Variants in CACNG1 observed in about 807,000 individuals in gnomAD.
The protein encoded by CACNG1 is calcium voltage-gated channel auxiliary subunit gamma 1, also known as voltage-dependent calcium channel gamma-1 subunit.
In CACNG1, 21 loss-of-function variants were observed where a neutral mutation model predicts 22.0. That is an observed-to-expected ratio of 0.95 (90% CI 0.68 to 1.37). CACNG1 has a LOEUF of 1.37. CACNG1 is among the 40% of genes most tolerant of loss of function. The pLI is 0.00. For missense variants in CACNG1, 291 were observed against 308.6 expected, an observed-to-expected ratio of 0.94 and a Z score of 0.43; for synonymous variants, 127 against 129.2, an observed-to-expected ratio of 0.98 and a Z score of 0.12.
chr17:67,055,133 T>C lies in CACNG1; in HGVS notation c.335T>C (p.Ile112Thr). 6.2e-7 allele frequency: 1 copy of C among 1,614,198 alleles called. No homozygotes were observed. ...EYSISAAAIA[I>T]FSLGFIILGS... ...AGCATCTCGGCAGCCGCCATCGCCA[T>C]CTTCAGCCTTGGCTTCATCATCCTG... The change falls in exon 3 of 4, where the codon ATC becomes ACC. Residue 112 changes from isoleucine (I) to threonine (T), a missense_variant. Physicochemically the swap from Ile to Thr is moderately conservative, Grantham distance 89. Transcript: ENST00000226021. The surrounding 1 kb of genome is among the most constrained non-coding windows in gnomAD (Gnocchi z 4.5).
intron 1 of CACNG1, among the ~76,000 whole-genome samples, chr17:67,045,715 G>A (rs1337614130): frequency 2.0e-5 from 3 of 151,894 alleles, no homozygotes; most frequent in Admixed American, 6.6e-5. Context: ...TAGAGACGGG[G>A]TTTCACCATG....
intron 1 of CACNG1, among the ~76,000 whole-genome samples, chr17:67,050,359 T>C (rs1266026266): frequency 6.6e-6 from 1 of 152,246 alleles, no homozygotes; most frequent in African/African-American, 2.4e-5. Context: ...TCTTGGAGAT[T>C]TCCAGCCCAT....
Position 67,056,549 on chromosome 17 carries a change from C to T in CACNG1, c.*278C>T. ...TGCAGGGGCCCAACTTCCCCTGGAG[C>T]TCAGAGGTGTCCCCACTGTACCAGC... is the stretch of plus-strand genomic sequence containing the variant. On this transcript the variant is annotated 3_prime_UTR_variant, in exon 4 of 4. Transcript: ENST00000226021. The surrounding 1 kb of genome is among the most constrained non-coding windows in gnomAD (Gnocchi z 4.3). 1.9e-6 allele frequency: 1 copy of T among 513,664 alleles called. No individual in the cohort carries two copies. Among genetic ancestry groups the T allele is most frequent in the Admixed American group, 3.3e-5 (1 of 29,954 alleles). The allele number at this position is 513,664 out of a possible 1,614,324, so 31.8% of individuals were successfully genotyped here. A position where few individuals can be genotyped will look rare whatever the true frequency, so the allele number is the denominator to read the frequency against.
At chr17:67,047,038 C>T (rs1487769429) in intron 1 of CACNG1, among the ~76,000 whole-genome samples, 1 of 152,154 alleles carries the variant, frequency 6.6e-6, no homozygotes, top group Non-Finnish European at 1.5e-5. Flanking sequence ...TTTCTCCTTC[C>T]CCATCTGCCC....
chr17:67,044,627 C>A lies in CACNG1; in HGVS notation c.-34C>A. ...TGCCCTAGGAGACGCAGCCGCCGGA[C>A]CCTGCCCAGGGCACCCACGCCTCGG... On this transcript the variant is annotated 5_prime_UTR_variant, in exon 1 of 4. Transcript: ENST00000226021. This position sits in a 1 kb window ranked among gnomAD's most constrained non-coding sequence, Gnocchi z 6.9. The A allele has an allele frequency of 6.7e-7, 1 of 1,485,908 alleles. No individual in the cohort carries two copies. Among genetic ancestry groups the A allele is most frequent in the South Asian group, 1.1e-5 (1 of 88,394 alleles). 92.0% of individuals were successfully genotyped at this position (1,485,908 alleles called of 1,614,324 possible). A position where few individuals can be genotyped will look rare whatever the true frequency, so the allele number is the denominator to read the frequency against.
chr17:67,056,385 C>A lies in CACNG1; in HGVS notation c.*114C>A. On this transcript the variant is annotated 3_prime_UTR_variant, in exon 4 of 4. Coordinates refer to ENST00000226021, the MANE Select transcript of CACNG1 (RefSeq NM_000727.4). This position sits in a 1 kb window ranked among gnomAD's most constrained non-coding sequence, Gnocchi z 4.3. Reference sequence around the variant, plus strand: ...TTTAGCCCCACCCTGCTCCCATCTGCCCCCCTGCAACAGTCGCAGGCTGCT... The same window carrying A: ...TTTAGCCCCACCCTGCTCCCATCTGACCCCCTGCAACAGTCGCAGGCTGCT... 1.2e-6 allele frequency: 1 copy of A among 840,842 alleles called. No homozygotes were observed. Among genetic ancestry groups the A allele is most frequent in the Non-Finnish European group, 1.9e-6 (1 of 531,866 alleles). The allele number at this position is 840,842 out of a possible 1,614,324, so 52.1% of individuals were successfully genotyped here.
rs2143422095 is a variant in CACNG1, at chr17:67,055,686, C to G, written c.443-359C>G. 6.6e-6 allele frequency among the ~76,000 whole-genome samples: 1 copy of G among 152,220 alleles called. No homozygotes were observed. The highest frequency in any genetic ancestry group is 3.4e-3 in the Middle Eastern group (1 of 294). On this transcript the variant is annotated intron_variant, in intron 3 of 3. Transcript: ENST00000226021. The surrounding 1 kb of genome is among the most constrained non-coding windows in gnomAD (Gnocchi z 4.5). ...GGACTACAGACGTGCACCACCACAC[C>G]TGGCTAATTTTTCATTGTATTTTAA...
chr17:67,053,219 C>T (rs1428926067), intron 1 of CACNG1, among the ~76,000 whole-genome samples: 3 of 152,166 alleles, frequency 2.0e-5, no homozygotes, highest in African/African-American at 4.8e-5. Context: ...ATTCAGCCCT[C>T]GTAGGGGTTC....
At chr17:67,050,843 A>T (rs2035723932) in intron 1 of CACNG1, among the ~76,000 whole-genome samples, 1 of 152,208 alleles carries the variant, frequency 6.6e-6, no homozygotes, top group Non-Finnish European at 1.5e-5. Context: ...TTTTTAATAA[A>T]TAACCCATTT....
At chr17:67,053,557 G>T (rs1453886716) in intron 1 of CACNG1, among the ~76,000 whole-genome samples, 1 of 152,238 alleles carries the variant, frequency 6.6e-6, no homozygotes, top group Non-Finnish European at 1.5e-5. Context: ...TGGGTGCCAG[G>T]TGTACCCCTC....
chr17:67,052,753 C>A (rs1183734832), intron 1 of CACNG1, among the ~76,000 whole-genome samples: 1 of 150,888 alleles, frequency 6.6e-6, no homozygotes, highest in Non-Finnish European at 1.5e-5. Context: ...GAAGATAAAC[C>A]GTATTTAGCA....
chr17:67,053,085 T>G (rs112787952), intron 1 of CACNG1, among the ~76,000 whole-genome samples: 3,944 of 152,322 alleles, frequency 0.026, 155 homozygotes, highest in African/African-American at 0.086. Context: ...GCGTTCCTAC[T>G]GCCCACAGAC....
Position 67,044,917 on chromosome 17 carries a change from C to T in CACNG1, c.229+28C>T, listed in dbSNP as rs758561341. 2 of 1,557,008 alleles carry T rather than the reference C, an allele frequency of 1.3e-6. No homozygotes were observed. The highest frequency in any genetic ancestry group is 2.7e-5 in the African/African-American group (2 of 73,820). On this transcript the variant is annotated intron_variant, in intron 1 of 3. Coordinates refer to ENST00000226021, the MANE Select transcript of CACNG1 (RefSeq NM_000727.4). The surrounding 1 kb of genome is among the most constrained non-coding windows in gnomAD (Gnocchi z 6.9). ...AACGTACCCACCCTCCGTCCCGATC[C>T]CCACCTCCTGCTCTTCCCCGTCATC...
At chr17:67,053,838 C>T in intron 1 of CACNG1, among the ~76,000 whole-genome samples, 158 bp from the exon 2 acceptor site, 1 of 152,154 alleles carries the variant, frequency 6.6e-6, no homozygotes, top group Non-Finnish European at 1.5e-5. Context: ...TTCTAAGGGT[C>T]AAAGACAGAT....
Position 67,054,388 on chromosome 17 carries a change from G to A in CACNG1, c.304+318G>A, listed in dbSNP as rs547180033. On this transcript the variant is annotated intron_variant, in intron 2 of 3. Transcript: ENST00000226021. The surrounding 1 kb of genome is among the most constrained non-coding windows in gnomAD (Gnocchi z 4.6). ...TGTGGAACAAATGCTCAGAAGCCCC[G>A]TGGTGGCTCTTGGTGGCATGTGATA... is the stretch of plus-strand genomic sequence containing the variant. 5.3e-5 allele frequency among the ~76,000 whole-genome samples: 8 copies of A among 152,308 alleles called. No individual in the cohort carries two copies. The East Asian group carries it at 5.8e-4, about 11-fold the overall frequency.
intron 1 of CACNG1, among the ~76,000 whole-genome samples, chr17:67,049,914 A>G (rs901221274): frequency 2.0e-5 from 3 of 152,204 alleles, no homozygotes; most frequent in African/African-American, 4.8e-5. Context: ...TCCAAATTAG[A>G]CAGTCTTAGA....
rs576166102 is a variant in CACNG1 at position 67,045,609 on chromosome 17, GC to G, written c.229+722del. 5.3e-3 allele frequency among the ~76,000 whole-genome samples: 766 copies of G among 143,682 alleles called. 1 individual carries two copies. Among genetic ancestry groups the G allele is most frequent in the Non-Finnish European group, 8.7e-3 (586 of 67,256 alleles). 94.3% of individuals were successfully genotyped at this position (143,682 alleles called of 152,430 possible). On this transcript the variant is annotated intron_variant, in intron 1 of 3. Coordinates refer to ENST00000226021, the MANE Select transcript of CACNG1 (RefSeq NM_000727.4). Reference sequence around the variant, plus strand: ...ATGATCTTGGCTCCCTGCAACTTCTGCCTCCTGGACTCAAGCGATTCTCCTG... The same window carrying G: ...ATGATCTTGGCTCCCTGCAACTTCTGCTCCTGGACTCAAGCGATTCTCCTG...
In CACNG1 at chr17:67,044,854, A is replaced by T; in HGVS notation, c.194A>T (p.Asp65Val). Residue 65 changes from aspartate (D) to valine (V), a missense_variant, in exon 1 of 4, where the codon GAC becomes GTC. Physicochemically the swap from Asp to Val is radical, Grantham distance 152. Transcript: ENST00000226021. The surrounding 1 kb of genome is among the most constrained non-coding windows in gnomAD (Gnocchi z 6.9). Reference sequence around the variant, plus strand: ...TGTACCAAGCGCATCCCCATGGACGACAGCAAGACCTGCGGGCCCATCACC... The same window carrying T: ...TGTACCAAGCGCATCCCCATGGACGTCAGCAAGACCTGCGGGCCCATCACC... ...RICTKRIPMD[D>V]SKTCGPITLP... 1 of 1,613,324 alleles carries T rather than the reference A, an allele frequency of 6.2e-7. No individual in the cohort carries two copies. The highest frequency in any genetic ancestry group is 1.7e-5 in the Admixed American group (1 of 60,020).
At chr17:67,051,142 T>C (rs765551486) in intron 1 of CACNG1, among the ~76,000 whole-genome samples, 2 of 152,180 alleles carry the variant, frequency 1.3e-5, no homozygotes, top group Non-Finnish European at 2.9e-5. Context: ...TCTTGACCCA[T>C]GACTAAGATG....
Sources: gnomAD v4.1 joint callset for allele counts (sites outside exome capture counted in the v4.1 genomes callset) on GRCh38, gnomAD v4.1.1 for gene constraint, Gnocchi (gnomAD v3.1) non-coding constraint, MANE v1.5 for transcripts, NCBI Gene and HGNC (gene_info 2026-07-23, HGNC 2026-07-21) for gene names.